SH3GL2: variants seen among roughly 807,000 people sequenced by gnomAD.
The protein encoded by SH3GL2 is SH3 domain containing GRB2 like 2, endophilin A1.
Under a neutral mutation model 46.0 loss-of-function variants are expected in SH3GL2, and 24 were observed. That is an observed-to-expected ratio of 0.52 (90% CI 0.38 to 0.73). The LOEUF is 0.73. Among genes scored for constraint, SH3GL2 ranks in the 30% least tolerant of loss-of-function variants. SH3GL2 has a pLI of 0.00. For missense variants in SH3GL2, 413 were observed against 424.2 expected, an observed-to-expected ratio of 0.97 and a Z score of 0.23; for synonymous variants, 196 against 147.1, an observed-to-expected ratio of 1.33 and a Z score of -2.40.
At chr9:17,631,950 A>G (rs1208727561) in intron 1 of SH3GL2, among the ~76,000 whole-genome samples, 4 of 152,164 alleles carry the variant, frequency 2.6e-5, no homozygotes, top group African/African-American at 9.7e-5. Flanking sequence ...CTTTCTGGGC[A>G]TGTTAAAAGT....
rs116657024 is a variant in SH3GL2, at chr9:17,626,427, C to A, written c.45+47140C>A. 9.0e-3 allele frequency among the ~76,000 whole-genome samples: 1,378 copies of A among 152,308 alleles called. 20 individuals carry two copies. The highest frequency in any genetic ancestry group is 0.031 in the African/African-American group (1,297 of 41,576). ...CCAGAGGTGTGGCTTCATTAAGGTC[C>A]TAGTTGGACTGTGTCCTCATCTCTC... On this transcript the variant is annotated intron_variant, in intron 1 of 8. Transcript: ENST00000380607.
chr9:17,598,374 A>G (rs1359043793), intron 1 of SH3GL2, among the ~76,000 whole-genome samples: 1 of 152,218 alleles, frequency 6.6e-6, no homozygotes, highest in African/African-American at 2.4e-5. Flanking sequence ...GTTAAATAAG[A>G]TTGTATGATA....
intron 1 of SH3GL2, among the ~76,000 whole-genome samples, chr9:17,688,554 A>T (rs1046656980): frequency 2.0e-5 from 3 of 152,064 alleles, no homozygotes; most frequent in East Asian, 3.9e-4. Context: ...AAAAGGAACC[A>T]GGGCACCTCG....
chr9:17,732,182 A>T (rs1039365280), intron 1 of SH3GL2, among the ~76,000 whole-genome samples: 2 of 152,104 alleles, frequency 1.3e-5, no homozygotes, highest in African/African-American at 4.8e-5. Context: ...TTAAAAAATA[A>T]CCTGTTTAAG....
At chr9:17,688,969 A>C (rs1353518568) in intron 1 of SH3GL2, among the ~76,000 whole-genome samples, 1 of 152,086 alleles carries the variant, frequency 6.6e-6, no homozygotes, top group East Asian at 1.9e-4. Context: ...AAGCATACAG[A>C]ATGGAGAGGG....
At chr9:17,661,717 A>C (rs1820220708) in intron 1 of SH3GL2, among the ~76,000 whole-genome samples, 1 of 152,168 alleles carries the variant, frequency 6.6e-6, no homozygotes, top group South Asian at 2.1e-4. Context: ...GAGTGTGATC[A>C]AAAGTTTGCA....
At chr9:17,646,215 C>A (rs558959524) in intron 1 of SH3GL2, among the ~76,000 whole-genome samples, 36 of 151,782 alleles carry the variant, frequency 2.4e-4, no homozygotes, top group Non-Finnish European at 3.7e-4. Context: ...TATGTTTTTC[C>A]GCTCCATCAG....
intron 1 of SH3GL2, among the ~76,000 whole-genome samples, chr9:17,598,957 T>A (rs1488503145): frequency 1.3e-5 from 2 of 152,194 alleles, no homozygotes; most frequent in Non-Finnish European, 2.9e-5. Flanking sequence ...ATCATTTAAT[T>A]ATTTAATTGG....
intron 1 of SH3GL2, among the ~76,000 whole-genome samples, chr9:17,585,471 A>T (rs1818357051): frequency 6.6e-6 from 1 of 152,094 alleles, no homozygotes; most frequent in South Asian, 2.1e-4. Flanking sequence ...GTGTAGCCAC[A>T]AGAGGGGACA....
At chr9:17,598,722 G>A (rs776230980) in intron 1 of SH3GL2, among the ~76,000 whole-genome samples, 1 of 152,250 alleles carries the variant, frequency 6.6e-6, no homozygotes, top group African/African-American at 2.4e-5. Context: ...ATGGCCATTC[G>A]ATTAAATGCC....
intron 1 of SH3GL2, among the ~76,000 whole-genome samples, chr9:17,594,034 C>G (rs548225044): frequency 2.6e-5 from 4 of 152,276 alleles, no homozygotes; most frequent in South Asian, 2.1e-4. Context: ...TCTCGTTCCC[C>G]TCTGGTTCAT....
intron 1 of SH3GL2, among the ~76,000 whole-genome samples, chr9:17,582,532 C>G (rs896430964): frequency 6.6e-6 from 1 of 152,166 alleles, no homozygotes; most frequent in African/African-American, 2.4e-5. Context: ...GAAGCTCCTA[C>G]AAAATCTGTA....
intron 1 of SH3GL2, among the ~76,000 whole-genome samples, chr9:17,670,699 G>A (rs1820453845): frequency 6.6e-6 from 1 of 151,986 alleles, no homozygotes; most frequent in African/African-American, 2.4e-5. Flanking sequence ...TAAGTATGTC[G>A]CATTTGCTTG....
chr9:17,748,905 C>T (rs1447840493), intron 2 of SH3GL2, among the ~76,000 whole-genome samples: 2 of 151,774 alleles, frequency 1.3e-5, no homozygotes, highest in African/African-American at 4.8e-5. Flanking sequence ...TGCAAGCAGG[C>T]AAGAGGGAAC....
chr9:17,698,113 T>G (rs1372103390), intron 1 of SH3GL2, among the ~76,000 whole-genome samples: 2 of 152,080 alleles, frequency 1.3e-5, no homozygotes, highest in Non-Finnish European at 2.9e-5. Context: ...TTAGAAGAAG[T>G]GAAAGGGAAT....
intron 4 of SH3GL2, 79 bp downstream of exon 4, chr9:17,786,603 A>T (rs1045322043): frequency 1.6e-5 from 23 of 1,425,288 alleles, no homozygotes; most frequent in Non-Finnish European, 2.2e-5. Flanking sequence ...TCTGTAGGGA[A>T]TCGGTCAAAT....
chr9:17,714,364 T>G (rs1821701242), intron 1 of SH3GL2, among the ~76,000 whole-genome samples: 1 of 151,812 alleles, frequency 6.6e-6, no homozygotes, highest in Non-Finnish European at 1.5e-5. Flanking sequence ...TTTAATATGA[T>G]TATTCATATC....
At chr9:17,612,144 G>T (rs1011510660) in intron 1 of SH3GL2, among the ~76,000 whole-genome samples, 9 of 152,132 alleles carry the variant, frequency 5.9e-5, no homozygotes, top group African/African-American at 1.7e-4. Flanking sequence ...GGCTCTTCAA[G>T]GGTGGCATTG....
chr9:17,640,421 T>G (rs1819650211), intron 1 of SH3GL2, among the ~76,000 whole-genome samples: 2 of 152,198 alleles, frequency 1.3e-5, no homozygotes, highest in South Asian at 4.1e-4. Flanking sequence ...AAGGGCATTA[T>G]TTCTACTATG....
Sources: allele counts gnomAD v4.1 joint callset (sites outside exome capture counted in the v4.1 genomes callset), GRCh38; gene constraint gnomAD v4.1.1; transcripts MANE v1.5; gene names NCBI Gene and HGNC (gene_info 2026-07-23, HGNC 2026-07-21).